The following MEPE variants were observed in gnomAD, a reference collection of about 807,000 sequenced individuals.
The protein encoded by MEPE is matrix, extracellular phosphoglycoprotein with ASARM motif (bone).
Under a neutral mutation model 7.3 loss-of-function variants are expected in MEPE, and 7 were observed. The ratio of observed to expected loss-of-function variants is 0.95; its 90% CI spans 0.54 to 1.79. The LOEUF (loss-of-function observed/expected upper bound fraction) is 1.79. MEPE is among the 40% of genes most tolerant of loss of function. The pLI, the probability that MEPE is intolerant of heterozygous loss-of-function variation, is 0.00. For missense variants in MEPE, 623 were observed against 628.2 expected, an observed-to-expected ratio of 0.99 and a Z score of 0.09; for synonymous variants, 214 against 213.1, an observed-to-expected ratio of 1.00 and a Z score of -0.04.
intron 3 of MEPE, chr4:87,839,867 TG>T: frequency 6.5e-7 from 1 of 1,543,574 alleles, no homozygotes; most frequent in Non-Finnish European, 8.7e-7. Flanking sequence ...AGTTTACTTT[TG>T]CTTGCTCTGG....
intron 2 of MEPE, 94 bp from the exon 3 acceptor site, chr4:87,838,538 T>C (rs6835632): frequency 0.65 from 711,985 of 1,095,870 alleles, 233,203 homozygotes; most frequent in Middle Eastern, 0.76. Flanking sequence ...ATAATACAAC[T>C]CAGTGAGAGA....
chr4:87,846,563 G>C lies in MEPE; in HGVS notation c.*117G>C. On this transcript the variant is annotated 3_prime_UTR_variant, in exon 4 of 4. Transcript: ENST00000361056. The stretch of plus-strand genomic sequence containing the variant: ...AAGAGAGGATAGAGTGAAGAACTGA[G>C]TGAGCCAAGAATCCTGGTCTCCTTG... The C allele has an allele frequency of 8.5e-7, 1 of 1,176,952 alleles. No individual in the cohort carries two copies. The highest frequency in any genetic ancestry group is 1.2e-6 in the Non-Finnish European group (1 of 843,878). The allele number at this position is 1,176,952 out of a possible 1,614,324, so 72.9% of individuals were successfully genotyped here. A position where few individuals can be genotyped will look rare whatever the true frequency, so the allele number is the denominator to read the frequency against.
rs573373652 is a variant in MEPE, at chr4:87,827,612, G to C, written c.-13+6141G>C. Among the ~76,000 whole-genome samples the C allele has an allele frequency of 4.8e-4, 73 of 152,208 alleles. No homozygotes were observed. The South Asian group carries it at 0.015, about 31-fold the overall frequency. ...TTTCCTCTTGAGGTCACACAACAAA[G>C]TTTTGCAGCCACTTCCAGCAATGTC... On this transcript the variant is annotated intron_variant, in intron 1 of 3. Transcript: ENST00000424957.
At chr4:87,822,621 G>T (rs952727836) in intron 1 of MEPE, among the ~76,000 whole-genome samples, 1 of 152,184 alleles carries the variant, frequency 6.6e-6, no homozygotes, top group Non-Finnish European at 1.5e-5. Context: ...GAACAGAGAG[G>T]CCAGATGACA....
At chr4:87,836,370 T>G (rs1164800062) in intron 2 of MEPE, among the ~76,000 whole-genome samples, 1 of 152,136 alleles carries the variant, frequency 6.6e-6, no homozygotes, top group East Asian at 1.9e-4. Flanking sequence ...AAATCAAAAC[T>G]GTACCGAGGT....
chr4:87,837,260 C>T (rs1281006660), intron 2 of MEPE, among the ~76,000 whole-genome samples: 2 of 152,094 alleles, frequency 1.3e-5, no homozygotes, highest in African/African-American at 4.8e-5. Flanking sequence ...GCTGGGGGAA[C>T]TAGGACCACA....
At chr4:87,840,255 G>A (rs1204876105) in intron 3 of MEPE, among the ~76,000 whole-genome samples, 1 of 152,114 alleles carries the variant, frequency 6.6e-6, no homozygotes, top group East Asian at 1.9e-4. Context: ...TCTGTGTTGG[G>A]TTGCTCAGAA....
chr4:87,831,005 C>A (rs1463684749), upstream of MEPE, among the ~76,000 whole-genome samples: 1 of 152,002 alleles, frequency 6.6e-6, no homozygotes, highest in Non-Finnish European at 1.5e-5. Context: ...TAATATACAA[C>A]TGTTAAAGGT....
intron 3 of MEPE, chr4:87,839,897 G>C (rs1427128111): frequency 6.5e-7 from 1 of 1,539,874 alleles, no homozygotes; most frequent in Non-Finnish European, 8.7e-7. Context: ...TCTTATGGCT[G>C]GCACTTTTGT....
At chr4:87,832,925 A>T (rs1722635249), upstream of MEPE, 1 of 152,156 alleles carries the variant, frequency 6.6e-6, no homozygotes, top group Non-Finnish European at 1.5e-5. Flanking sequence ...GCCATTGGGA[A>T]CTCTAACAAA....
At chr4:87,824,056 G>A (rs928517607) in intron 1 of MEPE, among the ~76,000 whole-genome samples, 1 of 152,142 alleles carries the variant, frequency 6.6e-6, no homozygotes, top group Non-Finnish European at 1.5e-5. Context: ...CCAGGGTCCA[G>A]GAAGATAAGA....
At chr4:87,843,790 C>T (rs540137923) in intron 3 of MEPE, among the ~76,000 whole-genome samples, 37 of 152,286 alleles carry the variant, frequency 2.4e-4, no homozygotes, top group Middle Eastern at 3.4e-3. Context: ...CTCCTTCTCC[C>T]TCTAATATGG....
chr4:87,830,433 A>G (rs72875456), upstream of MEPE, among the ~76,000 whole-genome samples: 962 of 152,340 alleles, frequency 6.3e-3, 17 homozygotes, highest in African/African-American at 0.022. Context: ...TTGTGGGAAC[A>G]TGGCTGGAGC....
At position 87,838,619 on chromosome 4, in the gene MEPE, T is replaced by C. The variant is rs201903368; in HGVS notation, c.55-13T>C. ...TTCTAGTGGGTGAAGTTTTGTTTCTTGTTTCCTTTCAGACATTTCAACCAC... is the reference window on the plus strand; with the variant it reads ...TTCTAGTGGGTGAAGTTTTGTTTCTCGTTTCCTTTCAGACATTTCAACCAC... On this transcript the variant is annotated splice_polypyrimidine_tract_variant and intron_variant, in intron 2 of 3. Transcript: ENST00000361056. 2.2e-5 allele frequency: 36 copies of C among 1,612,630 alleles called. No homozygotes were observed. The African/African-American group carries it at 4.4e-4, about 20-fold the overall frequency.
chr4:87,842,434 T>C (rs1723050067), intron 3 of MEPE, among the ~76,000 whole-genome samples: 1 of 152,062 alleles, frequency 6.6e-6, no homozygotes, highest in African/African-American at 2.4e-5. Context: ...ATTGAAGTGG[T>C]TGTCAAAAAG....
At chr4:87,843,026 C>A (rs141839457) in intron 3 of MEPE, among the ~76,000 whole-genome samples, 45 of 152,232 alleles carry the variant, frequency 3.0e-4, no homozygotes, top group African/African-American at 9.1e-4. Flanking sequence ...TTGTCTTTTT[C>A]ACCCTATCTT....
At chr4:87,826,367 C>T (rs1442363625) in intron 1 of MEPE, among the ~76,000 whole-genome samples, 2 of 151,246 alleles carry the variant, frequency 1.3e-5, no homozygotes, top group African/African-American at 4.9e-5. Context: ...TGCAGGTGCA[C>T]ACCACCACAA....
chr4:87,831,785 T>A (rs1722606340), upstream of MEPE, among the ~76,000 whole-genome samples: 1 of 152,124 alleles, frequency 6.6e-6, no homozygotes, highest in Non-Finnish European at 1.5e-5. Context: ...CAAAGTGGCC[T>A]CTTCTCTGTT....
chr4:87,844,891 T>A, intron 3 of MEPE, 86 bp from the exon 4 acceptor site: 3 of 1,001,408 alleles, frequency 3.0e-6, no homozygotes, highest in Non-Finnish European at 1.4e-6. Flanking sequence ...AAATATCTGG[T>A]GGATGGTTTT....
Sources: allele counts gnomAD v4.1 joint callset (sites outside exome capture counted in the v4.1 genomes callset), GRCh38; gene constraint gnomAD v4.1.1; transcripts MANE v1.5; gene names NCBI Gene and HGNC (gene_info 2026-07-23, HGNC 2026-07-21).